The following PRKCA variants were observed in gnomAD, a reference collection of about 807,000 sequenced individuals.
PRKCA encodes protein kinase C alpha type.
A neutral mutation model predicts 87.0 loss-of-function variants in PRKCA; 27 were observed. The observed-to-expected ratio is 0.31, with a 90% CI of 0.23 to 0.43. The LOEUF is 0.43. Among genes scored for constraint, PRKCA ranks in the 20% least tolerant of loss-of-function variants. PRKCA has a pLI of 1.00. For missense variants in PRKCA, 518 were observed against 852.3 expected (o/e 0.61, Z 4.88); for synonymous variants, 329 against 311.1 (o/e 1.06, Z -0.61).
At chr17:66,491,581 A>T (rs1311732177) in intron 2 of PRKCA, among the ~76,000 whole-genome samples, 1 of 152,194 alleles carries the variant, frequency 6.6e-6, no homozygotes, top group Non-Finnish European at 1.5e-5. Context: ...TTTGCTTCAT[A>T]TACCATGGTG....
intron 2 of PRKCA, among the ~76,000 whole-genome samples, chr17:66,467,660 C>T (rs1043266381): frequency 3.9e-5 from 6 of 152,164 alleles, no homozygotes; most frequent in East Asian, 3.9e-4. Context: ...TGGGCTCAAG[C>T]GATCCTCCTG....
intron 2 of PRKCA, among the ~76,000 whole-genome samples, chr17:66,461,019 G>A (rs542093312): frequency 1.3e-5 from 2 of 151,978 alleles, no homozygotes; most frequent in South Asian, 2.1e-4. Context: ...CAGCCTGGGC[G>A]ACAAGGCAAA....
At chr17:66,461,063 G>A (rs1914826938) in intron 2 of PRKCA, among the ~76,000 whole-genome samples, 1 of 151,840 alleles carries the variant, frequency 6.6e-6, no homozygotes, top group Non-Finnish European at 1.5e-5. Context: ...AAGATTAGCC[G>A]GGTGTGATAG....
chr17:66,629,976 TA>T (rs1472257861), intron 3 of PRKCA, among the ~76,000 whole-genome samples: 1 of 152,222 alleles, frequency 6.6e-6, no homozygotes, highest in African/African-American at 2.4e-5. Flanking sequence ...GTTATTTGAG[TA>T]AGCTGGTGAA....
chr17:66,671,404 A>T (rs1972179675), intron 5 of PRKCA, among the ~76,000 whole-genome samples: 1 of 151,960 alleles, frequency 6.6e-6, no homozygotes, highest in Non-Finnish European at 1.5e-5. Context: ...GGTACTGCTT[A>T]ATCTCTCCAA....
intron 3 of PRKCA, among the ~76,000 whole-genome samples, chr17:66,595,977 A>C (rs529867510): frequency 6.6e-6 from 1 of 152,362 alleles, no homozygotes; most frequent in East Asian, 1.9e-4. Flanking sequence ...GAAAATCAGA[A>C]GTGCTAGAAA....
intron 2 of PRKCA, among the ~76,000 whole-genome samples, chr17:66,436,633 C>T (rs1380490729): frequency 6.6e-6 from 1 of 152,120 alleles, no homozygotes; most frequent in African/African-American, 2.4e-5. Flanking sequence ...CGATGAAAGT[C>T]TGAGAAGAAA....
intron 3 of PRKCA, among the ~76,000 whole-genome samples, chr17:66,632,019 A>G (rs1971028282): frequency 6.6e-6 from 1 of 152,176 alleles, no homozygotes; most frequent in South Asian, 2.1e-4. Context: ...TAGTGCCTTC[A>G]TATAGACACC....
At chr17:66,344,505 C>T (rs1343687398) in intron 2 of PRKCA, among the ~76,000 whole-genome samples, 4 of 151,806 alleles carry the variant, frequency 2.6e-5, no homozygotes, top group African/African-American at 9.7e-5. Context: ...AAACAAAAAA[C>T]AAACAACAAC....
intron 2 of PRKCA, among the ~76,000 whole-genome samples, chr17:66,355,217 A>G (rs1418411857): frequency 6.6e-6 from 1 of 152,028 alleles, no homozygotes; most frequent in Non-Finnish European, 1.5e-5. Context: ...TAAAACTGAG[A>G]TCATTCTCAT....
intron 2 of PRKCA, among the ~76,000 whole-genome samples, chr17:66,340,514 A>G (rs146112284): frequency 3.2e-4 from 49 of 152,232 alleles, no homozygotes; most frequent in South Asian, 1.0e-3. Flanking sequence ...CTGTGCAAAC[A>G]GTGATTTCTT....
At chr17:66,780,277 C>A (rs919129399) in intron 14 of PRKCA, among the ~76,000 whole-genome samples, 2 of 152,182 alleles carry the variant, frequency 1.3e-5, no homozygotes, top group African/African-American at 2.4e-5. Flanking sequence ...TGACGCATCA[C>A]CTCAATGGCA....
intron 3 of PRKCA, among the ~76,000 whole-genome samples, chr17:66,604,297 A>G (rs1970147507): frequency 6.6e-6 from 1 of 152,124 alleles, no homozygotes; most frequent in Non-Finnish European, 1.5e-5. Context: ...CATAATAAAC[A>G]TTTTCTTAAA....
intron 1 of PRKCA, among the ~76,000 whole-genome samples, chr17:66,303,834 C>CT (rs1358896356): frequency 6.6e-6 from 1 of 151,986 alleles, no homozygotes; most frequent in Non-Finnish European, 1.5e-5. Flanking sequence ...GAAACCCCGT[C>CT]TACTAAAAAT....
intron 2 of PRKCA, among the ~76,000 whole-genome samples, chr17:66,410,679 G>A (rs1911737376): frequency 6.6e-6 from 1 of 152,016 alleles, no homozygotes; most frequent in Non-Finnish European, 1.5e-5. Context: ...AGGTTCAAGC[G>A]ATTCTCCTGC....
At chr17:66,410,207 A>ATTT (rs34604742) in intron 2 of PRKCA, among the ~76,000 whole-genome samples, 64 of 149,150 alleles carry the variant, frequency 4.3e-4, no homozygotes, top group South Asian at 1.5e-3. Context: ...ACCAACAGAG[A>ATTT]TTTTTTTTTT....
intron 1 of PRKCA, among the ~76,000 whole-genome samples, chr17:66,305,429 C>T (rs1222867702): frequency 6.6e-6 from 1 of 152,184 alleles, no homozygotes; most frequent in South Asian, 2.1e-4. Context: ...TGAACGTCCA[C>T]GTCAGGGTTC....
intron 3 of PRKCA, among the ~76,000 whole-genome samples, chr17:66,613,092 A>C (rs1268293732): frequency 6.6e-6 from 1 of 152,202 alleles, no homozygotes; most frequent in Non-Finnish European, 1.5e-5. Flanking sequence ...TTATCCCCAA[A>C]TCTAATTAGC....
intron 1 of PRKCA, 44 bp from the exon 2 acceptor site, chr17:66,306,052 C>T (rs771994546): frequency 5.4e-5 from 86 of 1,590,074 alleles, no homozygotes; most frequent in Non-Finnish European, 6.7e-5. Flanking sequence ...TGCTATCCAA[C>T]AGAAAATATG....
Sources: allele counts gnomAD v4.1 joint callset (sites outside exome capture counted in the v4.1 genomes callset), GRCh38; gene constraint gnomAD v4.1.1; transcripts MANE v1.5; gene names NCBI Gene and HGNC (gene_info 2026-07-23, HGNC 2026-07-21).